CUL1: variants seen among roughly 807,000 people sequenced by gnomAD.
CUL1 encodes the protein cullin 1.
In CUL1, 24 loss-of-function variants were observed where a neutral mutation model predicts 118.0. The ratio of observed to expected loss-of-function variants is 0.20; its 90% CI spans 0.15 to 0.29. The LOEUF (loss-of-function observed/expected upper bound fraction) is 0.29. Ranked by LOEUF, CUL1 falls within the 10% of genes least tolerant of loss-of-function variation. The pLI is 1.00. For synonymous variants in CUL1, 332 were observed against 340.4 expected (o/e 0.98, Z 0.27); for missense variants, 361 against 933.8 (o/e 0.39, Z 7.99).
intron 1 of CUL1, among the ~76,000 whole-genome samples, chr7:148,711,372 T>C (rs1414884601): frequency 3.9e-5 from 6 of 152,114 alleles, no homozygotes; most frequent in Admixed American, 6.5e-5. Context: ...ACAGGTGCGG[T>C]GGGTGACATC....
chr7:148,784,006 C>A lies in CUL1; in HGVS notation c.1227C>A (p.Thr409=), dbSNP rs1014860713. The part of the protein sequence containing the change: ...CGRFINNNAV[T]KMAQSSSKSP... ...GCTTCATAAACAACAACGCGGTTAC[C>A]AAGATGGCCCAATCATCCAGTAAAT... Residue 409 remains threonine (T), a synonymous_variant, in exon 11 of 22, where the codon ACC becomes ACA. Coordinates refer to ENST00000325222, the MANE Select transcript of CUL1 (RefSeq NM_003592.3). 2.0e-5 allele frequency: 32 copies of A among 1,614,136 alleles called. No individual in the cohort carries two copies. Among genetic ancestry groups the A allele is most frequent in the Non-Finnish European group, 2.7e-5 (32 of 1,180,028 alleles).
At chr7:148,747,355 A>C (rs369127289) in intron 2 of CUL1, among the ~76,000 whole-genome samples, 1 of 152,230 alleles carries the variant, frequency 6.6e-6, no homozygotes, top group Non-Finnish European at 1.5e-5. Context: ...AATGCTCTGC[A>C]CAAAAGTAAG....
At chr7:148,772,425 C>A (rs7458083) in intron 9 of CUL1, among the ~76,000 whole-genome samples, 24 of 146,628 alleles carry the variant, frequency 1.6e-4, no homozygotes, top group Middle Eastern at 3.6e-3. Flanking sequence ...AAAAAAAAAA[C>A]AAAAAAAAAA....
intron 4 of CUL1, 56 bp downstream of exon 4, chr7:148,757,206 T>C (rs995464264): frequency 2.5e-6 from 3 of 1,189,854 alleles, no homozygotes; most frequent in Admixed American, 2.8e-5. Context: ...TTTTTTTTAA[T>C]GGCAAATTGT....
chr7:148,708,612 T>C (rs978385306), intron 1 of CUL1, among the ~76,000 whole-genome samples: 2 of 152,192 alleles, frequency 1.3e-5, no homozygotes, highest in African/African-American at 4.8e-5. Context: ...CTCTTTGTCT[T>C]TGCAGCCCTT....
chr7:148,780,736 C>G (rs538995489), intron 9 of CUL1, among the ~76,000 whole-genome samples: 1 of 152,352 alleles, frequency 6.6e-6, no homozygotes, highest in Admixed American at 6.5e-5. Context: ...GGGAGATGTC[C>G]TGTTTCTTAC....
intron 9 of CUL1, among the ~76,000 whole-genome samples, chr7:148,768,534 G>A (rs976750368): frequency 1.3e-5 from 2 of 151,688 alleles, no homozygotes; most frequent in African/African-American, 4.8e-5. Context: ...ACAGCCGCTC[G>A]CCACCATTCC....
chr7:148,697,981 T>C (rs1000559382), upstream of CUL1: 1 of 152,248 alleles, frequency 6.6e-6, no homozygotes, highest in South Asian at 2.1e-4. Context: ...TGATATGTCC[T>C]TACAAAGACG....
intron 1 of CUL1, among the ~76,000 whole-genome samples, chr7:148,716,560 A>G (rs768404948): frequency 3.3e-5 from 5 of 152,020 alleles, no homozygotes; most frequent in African/African-American, 4.8e-5. Flanking sequence ...CTTCTCCCAC[A>G]CTGTTTTCTC....
intron 1 of CUL1, among the ~76,000 whole-genome samples, chr7:148,714,731 T>C (rs1311132185): frequency 6.6e-6 from 1 of 152,078 alleles, no homozygotes; most frequent in Non-Finnish European, 1.5e-5. Context: ...TAGAGGGCAG[T>C]GGAAAGCATG....
intron 1 of CUL1, among the ~76,000 whole-genome samples, chr7:148,712,926 G>A (rs1458215130): frequency 6.6e-6 from 1 of 151,944 alleles, no homozygotes; most frequent in Non-Finnish European, 1.5e-5. Flanking sequence ...TTTTTTGTGG[G>A]ATAACCCAGC....
At chr7:148,724,498 C>T (rs1448396600) in intron 1 of CUL1, among the ~76,000 whole-genome samples, 1 of 152,184 alleles carries the variant, frequency 6.6e-6, no homozygotes, top group African/African-American at 2.4e-5. Flanking sequence ...CGGGAGCCAG[C>T]AGCTAGTGTG....
rs1243092110 is a variant in CUL1, at chr7:148,772,437, C to A, written c.1083+4688C>A. 6.6e-5 allele frequency among the ~76,000 whole-genome samples: 9 copies of A among 136,168 alleles called. No homozygotes were observed. In the East Asian group the frequency reaches 8.7e-4, roughly 13 times the overall value. 89.3% of individuals were successfully genotyped at this position (136,168 alleles called of 152,430 possible). ...CTCAAAAAAAAAACAAAAAAAAAAA[C>A]CCACACATTCAGTTTATGATGGGCT... On this transcript the variant is annotated intron_variant, in intron 9 of 21. Coordinates refer to ENST00000325222, the MANE Select transcript of CUL1 (RefSeq NM_003592.3).
chr7:148,737,466 A>G (rs1318533898), intron 2 of CUL1, among the ~76,000 whole-genome samples: 1 of 151,874 alleles, frequency 6.6e-6, no homozygotes, highest in Admixed American at 6.6e-5. Flanking sequence ...GACGGATTAT[A>G]CAGGATAGTA....
chr7:148,775,943 C>T (rs1800380404), intron 9 of CUL1, among the ~76,000 whole-genome samples: 1 of 151,768 alleles, frequency 6.6e-6, no homozygotes, highest in Admixed American at 6.6e-5. Flanking sequence ...TCACTTATGC[C>T]TTGGGACAGT....
chr7:148,731,209 A>G (rs771529603), intron 2 of CUL1, among the ~76,000 whole-genome samples: 2 of 152,208 alleles, frequency 1.3e-5, no homozygotes, highest in African/African-American at 2.4e-5. Flanking sequence ...TCTTGATTCC[A>G]TACAAATATG....
intron 2 of CUL1, among the ~76,000 whole-genome samples, chr7:148,750,296 T>C (rs1008355677): frequency 7.6e-6 from 1 of 132,122 alleles, no homozygotes; most frequent in Non-Finnish European, 1.7e-5. Context: ...ACCTAGGACT[T>C]TTTTTTTTTT....
At chr7:148,723,511 G>A (rs918545790) in intron 1 of CUL1, among the ~76,000 whole-genome samples, 4 of 152,112 alleles carry the variant, frequency 2.6e-5, no homozygotes, top group Admixed American at 2.0e-4. Flanking sequence ...TTATCAGATA[G>A]GTACATACAG....
In CUL1 at chr7:148,743,620, T is replaced by C. The variant is rs1402485354; in HGVS notation, c.141-10356T>C. Among the ~76,000 whole-genome samples the C allele has an allele frequency of 2.0e-5, 3 of 152,336 alleles. No individual in the cohort carries two copies. The East Asian group carries it at 5.8e-4, about 29-fold the overall frequency. ...AATTCTGTCAAATTTTCATATATTTTAAGCCAGGTGTGGTGGCTCACATCT... is the reference window on the plus strand; with the variant it reads ...AATTCTGTCAAATTTTCATATATTTCAAGCCAGGTGTGGTGGCTCACATCT... On this transcript the variant is annotated intron_variant, in intron 2 of 21. Coordinates refer to ENST00000325222, the MANE Select transcript of CUL1 (RefSeq NM_003592.3).
Sources: gnomAD v4.1 joint callset for allele counts (sites outside exome capture counted in the v4.1 genomes callset) on GRCh38, gnomAD v4.1.1 for gene constraint, MANE v1.5 for transcripts, NCBI Gene and HGNC (gene_info 2026-07-23, HGNC 2026-07-21) for gene names.